Variants in RAB8B observed in about 807,000 individuals in gnomAD.
RAB8B encodes RAB8B, member RAS oncogene family.
RAB8B carries 11 observed loss-of-function variants against 32.0 expected under a neutral mutation model. The ratio of observed to expected loss-of-function variants is 0.34; its 90% CI spans 0.22 to 0.57. The LOEUF (loss-of-function observed/expected upper bound fraction) is 0.57. Among genes scored for constraint, RAB8B ranks in the 20% least tolerant of loss-of-function variants. The pLI is 0.86. For synonymous variants in RAB8B, 103 were observed against 89.6 expected (o/e 1.15, Z -0.85); for missense variants, 190 against 258.5 (o/e 0.73, Z 1.82).
chr15:63,233,134 A>G (rs545822447), intron 1 of RAB8B, among the ~76,000 whole-genome samples: 81 of 149,314 alleles, frequency 5.4e-4, no homozygotes, highest in African/African-American at 2.0e-3. Flanking sequence ...ATCATAGCTC[A>G]CTGCAGCCTT....
intron 1 of RAB8B, among the ~76,000 whole-genome samples, chr15:63,223,647 C>T (rs972666924): frequency 3.3e-5 from 5 of 152,146 alleles, no homozygotes; most frequent in African/African-American, 1.2e-4. Context: ...TTTTCCAGAA[C>T]GTCTGGTTGT....
In RAB8B at chr15:63,264,911, G is replaced by C. The variant is rs147545673; in HGVS notation, c.*1292G>C. The C allele has an allele frequency of 2.6e-4, 39 of 152,702 alleles. No homozygotes were observed. Among genetic ancestry groups the C allele is most frequent in the African/African-American group, 9.1e-4 (38 of 41,532 alleles). 9.5% of individuals were successfully genotyped at this position (152,702 alleles called of 1,614,324 possible). ...TTACAGAACTTAGTCCAGTCATTTG[G>C]GCTAAAGCCAACCAAAAGCTTAGTT... On this transcript the variant is annotated 3_prime_UTR_variant, in exon 8 of 8. Transcript: ENST00000321437.
At chr15:63,199,876 C>T (rs540831993) in intron 1 of RAB8B, among the ~76,000 whole-genome samples, 5 of 152,268 alleles carry the variant, frequency 3.3e-5, no homozygotes, top group Admixed American at 1.3e-4. Context: ...CCACTGCCCC[C>T]GGCCAGCCTT....
Position 63,263,548 on chromosome 15 carries a change from G to A in RAB8B, c.553G>A (p.Ala185Thr). 1.2e-6 allele frequency: 2 copies of A among 1,612,048 alleles called. No homozygotes were observed. Among genetic ancestry groups the A allele is most frequent in the Non-Finnish European group, 1.7e-6 (2 of 1,178,090 alleles). Residue 185 changes from alanine (A) to threonine (T), a missense_variant, in exon 8 of 8, where the codon GCA (alanine) becomes ACA (threonine). Physicochemically the swap from Ala to Thr is moderately conservative, Grantham distance 58 (BLOSUM62 0). Coordinates refer to ENST00000321437, the MANE Select transcript of RAB8B (RefSeq NM_016530.3). ...RKMNDSNSAGAGGPVKITENR... is the reference protein window; with the variant it reads ...RKMNDSNSAGTGGPVKITENR... ...TTAGAATGACAGCAATTCAGCAGGA[G>A]CAGGTGGACCAGTGAAAATAACAGA... is the stretch of plus-strand genomic sequence containing the variant.
chr15:63,228,209 G>A (rs73441290), intron 1 of RAB8B, among the ~76,000 whole-genome samples: 1,913 of 152,126 alleles, frequency 0.013, 39 homozygotes, highest in African/African-American at 0.045. Flanking sequence ...GTAGAGTAGG[G>A]TCTCCTTTGT....
In RAB8B at chr15:63,263,483, A is replaced by G. The variant is rs374478180; in HGVS notation, c.532-44A>G. ...TTTTTTAGGTAACTGAGGTCAAACC[A>G]TGAAACTTTTATTTCCTTGGTAACT... is the stretch of plus-strand genomic sequence containing the variant. On this transcript the variant is annotated intron_variant, in intron 7 of 7. Transcript: ENST00000321437. 8.0e-5 allele frequency: 120 copies of G among 1,491,692 alleles called. 1 individual carries two copies. The highest frequency in any genetic ancestry group is 7.8e-5 in the Non-Finnish European group (83 of 1,070,302). 92.4% of individuals were successfully genotyped at this position (1,491,692 alleles called of 1,614,324 possible).
intron 1 of RAB8B, among the ~76,000 whole-genome samples, chr15:63,202,644 A>T (rs1044224200): frequency 6.6e-6 from 1 of 152,218 alleles, no homozygotes; most frequent in Non-Finnish European, 1.5e-5. Context: ...TTGGCCTTAG[A>T]CTACTAAGTG....
rs2038085108 is a variant in RAB8B, at chr15:63,248,019, C to G, written c.186-1626C>G. On this transcript the variant is annotated intron_variant, in intron 2 of 7. Transcript: ENST00000321437. The surrounding 1 kb of genome is among the most constrained non-coding windows in gnomAD (Gnocchi z 4.4). ...AAATTACATCTTTTCTCATGATCCCCTCCTTGGGTTTCTCAGAGAAATATG... is the reference window on the plus strand; with the variant it reads ...AAATTACATCTTTTCTCATGATCCCGTCCTTGGGTTTCTCAGAGAAATATG... Among the ~76,000 whole-genome samples the G allele has an allele frequency of 6.6e-6, 1 of 152,228 alleles. No homozygotes were observed. Among genetic ancestry groups the G allele is most frequent in the African/African-American group, 2.4e-5 (1 of 41,464 alleles).
chr15:63,235,245 T>C (rs539671799), intron 1 of RAB8B, among the ~76,000 whole-genome samples: 2 of 152,234 alleles, frequency 1.3e-5, no homozygotes, highest in South Asian at 4.1e-4. Context: ...TGACCAGGCA[T>C]GGATGGGGTG....
chr15:63,251,026 G>T (rs750692508), intron 3 of RAB8B, among the ~76,000 whole-genome samples: 1 of 151,916 alleles, frequency 6.6e-6, no homozygotes, highest in Non-Finnish European at 1.5e-5. Flanking sequence ...TTGCTCTCCA[G>T]TGTTGGAGTA....
intron 1 of RAB8B, among the ~76,000 whole-genome samples, chr15:63,233,088 C>T (rs796877178): frequency 6.8e-4 from 88 of 129,016 alleles, no homozygotes; most frequent in South Asian, 2.6e-3. Flanking sequence ...AGAATAGTCT[C>T]ATGGCATGCC....
intron 1 of RAB8B, among the ~76,000 whole-genome samples, chr15:63,198,518 A>G (rs967856272): frequency 6.6e-6 from 1 of 152,084 alleles, no homozygotes; most frequent in Non-Finnish European, 1.5e-5. Flanking sequence ...GCACTTTGCA[A>G]AAGCTCAGTT....
chr15:63,223,477 CA>C (rs2037861943), intron 1 of RAB8B, among the ~76,000 whole-genome samples: 1 of 152,184 alleles, frequency 6.6e-6, no homozygotes, highest in Non-Finnish European at 1.5e-5. Flanking sequence ...TTTAAACACA[CA>C]AATACTTACC....
chr15:63,191,665 A>G (rs1003863260), intron 1 of RAB8B, among the ~76,000 whole-genome samples: 1 of 152,234 alleles, frequency 6.6e-6, no homozygotes, highest in East Asian at 1.9e-4. Context: ...GATAATTTCT[A>G]ACAAGTTGAG....
intron 1 of RAB8B, among the ~76,000 whole-genome samples, chr15:63,235,711 G>A (rs1250770968): frequency 1.3e-5 from 2 of 150,770 alleles, no homozygotes; most frequent in African/African-American, 4.9e-5. Flanking sequence ...TAATACTGTT[G>A]TTTTGGCATT....
chr15:63,217,216 G>C (rs763578413), intron 1 of RAB8B, among the ~76,000 whole-genome samples: 1 of 152,102 alleles, frequency 6.6e-6, no homozygotes, highest in Non-Finnish European at 1.5e-5. Context: ...TGGTACATAC[G>C]AGGGCCTAAT....
At position 63,263,852 on chromosome 15, in the gene RAB8B, C is replaced by G. The variant is rs1399617080; in HGVS notation, c.*233C>G. On this transcript the variant is annotated 3_prime_UTR_variant, in exon 8 of 8. Coordinates refer to ENST00000321437, the MANE Select transcript of RAB8B (RefSeq NM_016530.3). Reference sequence around the variant, plus strand: ...AAGTGGAGACACATGCAGGACCTAACTCGTTTTTTCCTTGTTTTATTACCT... The same window carrying G: ...AAGTGGAGACACATGCAGGACCTAAGTCGTTTTTTCCTTGTTTTATTACCT... 2.4e-6 allele frequency: 1 copy of G among 420,770 alleles called. No individual in the cohort carries two copies. Among genetic ancestry groups the G allele is most frequent in the Non-Finnish European group, 4.3e-6 (1 of 235,246 alleles). 26.1% of individuals were successfully genotyped at this position (420,770 alleles called of 1,614,324 possible). A position where few individuals can be genotyped will look rare whatever the true frequency, so the allele number is the denominator to read the frequency against.
chr15:63,230,493 G>A (rs1407107888), intron 1 of RAB8B, among the ~76,000 whole-genome samples: 1 of 152,100 alleles, frequency 6.6e-6, no homozygotes. Context: ...GTAGAGACAC[G>A]GTTTCGCCAC....
intron 1 of RAB8B, among the ~76,000 whole-genome samples, chr15:63,202,697 ATTTAAG>A (rs2037663288): frequency 6.6e-6 from 1 of 152,236 alleles, no homozygotes; most frequent in African/African-American, 2.4e-5. Context: ...TCCTTTGGCA[ATTTAAG>A]TTTAAACTTC....
Sources: allele counts gnomAD v4.1 joint callset (sites outside exome capture counted in the v4.1 genomes callset), GRCh38; gene constraint gnomAD v4.1.1; non-coding constraint Gnocchi (gnomAD v3.1); transcripts MANE v1.5; gene names NCBI Gene and HGNC (gene_info 2026-07-23, HGNC 2026-07-21).